The following COL12A1 variants were observed in gnomAD, a reference collection of about 807,000 sequenced individuals.
The protein encoded by COL12A1 is collagen type XII alpha 1 chain.
A neutral mutation model predicts 349.7 loss-of-function variants in COL12A1; 114 were observed. The ratio of observed to expected loss-of-function variants is 0.33; its 90% CI spans 0.28 to 0.38. The LOEUF (loss-of-function observed/expected upper bound fraction) is 0.38, where lower values mean the gene tolerates loss of function less well. Among genes scored for constraint, COL12A1 ranks in the 10% least tolerant of loss-of-function variants. The probability of loss-of-function intolerance (pLI) is 1.00; values close to 1 mark genes in which losing one functional copy is unlikely to be tolerated. For missense variants in COL12A1, 3,284 were observed against 3,756.9 expected (o/e 0.87, Z 3.29); for synonymous variants, 1,369 against 1,329.0 (o/e 1.03, Z -0.66).
chr6:75,105,799 T>A (rs1184841956), intron 53 of COL12A1, among the ~76,000 whole-genome samples: 1 of 152,162 alleles, frequency 6.6e-6, no homozygotes, highest in Non-Finnish European at 1.5e-5. Flanking sequence ...CCTTATTAAT[T>A]CTTTCTCTCC....
chr6:75,188,732 T>C (rs769974880), intron 7 of COL12A1, among the ~76,000 whole-genome samples, 197 bp from the exon 8 acceptor site: 28 of 152,246 alleles, frequency 1.8e-4, no homozygotes, highest in Non-Finnish European at 3.1e-4. Context: ...ATTTGACATA[T>C]AGTGGTCAGC....
At chr6:75,136,302 T>C (rs1440130780) in intron 31 of COL12A1, among the ~76,000 whole-genome samples, 1 of 152,194 alleles carries the variant, frequency 6.6e-6, no homozygotes, top group African/African-American at 2.4e-5. Context: ...TGATATTAAG[T>C]TTATTAATTA....
intron 27 of COL12A1, among the ~76,000 whole-genome samples, chr6:75,140,256 A>G (rs928277727): frequency 6.6e-6 from 1 of 152,214 alleles, no homozygotes; most frequent in African/African-American, 2.4e-5. Context: ...CATGACCCTT[A>G]CAAGGTAAGA....
At chr6:75,087,409 A>C (rs1767553698) in intron 65 of COL12A1, 168 bp downstream of exon 65, 1 of 606,984 alleles carries the variant, frequency 1.6e-6, no homozygotes, top group Admixed American at 3.7e-5. Flanking sequence ...ACAGTGAAAT[A>C]ATGTTGTGTG....
At position 75,117,540 on chromosome 6, in the gene COL12A1, C is replaced by T; in HGVS notation, c.7361G>A (p.Ser2454Asn). The T allele has an allele frequency of 6.2e-7, 1 of 1,613,270 alleles. No individual in the cohort carries two copies. Among genetic ancestry groups the T allele is most frequent in the Non-Finnish European group, 8.5e-7 (1 of 1,179,398 alleles). ...AALVIQQSGFSVFVVGVADVD... is the reference protein window; with the variant it reads ...AALVIQQSGFNVFVVGVADVD... The stretch of plus-strand genomic sequence containing the variant: ...ATCAGCCACACCAACTACAAAGACA[C>T]TGAACCCTGCAAAGTAGCATTTATA... Residue 2454 changes from serine (S) to asparagine (N), a missense_variant, in exon 47 of 66, where the codon AGT (serine) becomes AAT (asparagine). Ser to Asn is a conservative substitution (Grantham distance 46, BLOSUM62 1). Around this residue, in one of 2 missense-constraint regions of COL12A1, gnomAD observed 683 missense variants for 932.1 expected, o/e 0.73. Coordinates refer to ENST00000322507, the MANE Select transcript of COL12A1 (RefSeq NM_004370.6).
At chr6:75,143,057 A>G (rs867568461) in intron 26 of COL12A1, 195 bp downstream of exon 26, 42 of 587,564 alleles carry the variant, frequency 7.1e-5, no homozygotes, top group Middle Eastern at 9.3e-4. Flanking sequence ...ACAGCAAAAC[A>G]TTTCTGTTTT....
Position 75,177,729 on chromosome 6 carries a change from A to G in COL12A1, c.2371T>C (p.Ser791Pro). 6.2e-7 allele frequency: 1 copy of G among 1,614,026 alleles called. No individual in the cohort carries two copies. The highest frequency in any genetic ancestry group is 8.5e-7 in the Non-Finnish European group (1 of 1,179,988). Residue 791 changes from serine to proline, a missense_variant, in exon 12 of 66, where the codon TCT becomes CCT. By Grantham distance (74) the Ser-to-Pro change is moderately conservative. Coordinates refer to ENST00000322507, the MANE Select transcript of COL12A1 (RefSeq NM_004370.6). ...NLIPDTKYEV[S>P]VIPEYFSGPG... ...CCTGAGAAATATTCAGGAATTACAG[A>G]TACTTCATATTTCGTGTCTGGAATC...
chr6:75,115,089 G>A (rs528660897), intron 49 of COL12A1, among the ~76,000 whole-genome samples: 4 of 152,200 alleles, frequency 2.6e-5, no homozygotes, highest in African/African-American at 9.6e-5. Flanking sequence ...GTTTTAGTCT[G>A]AATTTTCCAT....
Position 75,134,711 on chromosome 6 carries a change from T to A in COL12A1, c.5524+15A>T. ...TAGCTATTAAAGAAGCTATAGGAAC[T>A]CAGGTTTCACTTACTGGTCTTGCCT... is the stretch of plus-strand genomic sequence containing the variant. On this transcript the variant is annotated intron_variant, in intron 32 of 65. Transcript: ENST00000322507. 1.3e-6 allele frequency: 2 copies of A among 1,588,032 alleles called. No homozygotes were observed. Among genetic ancestry groups the A allele is most frequent in the Non-Finnish European group, 1.7e-6 (2 of 1,163,398 alleles).
intron 2 of COL12A1, among the ~76,000 whole-genome samples, chr6:75,195,356 C>A (rs937469375): frequency 6.6e-6 from 1 of 152,118 alleles, no homozygotes; most frequent in African/African-American, 2.4e-5. Flanking sequence ...CAAATCACAA[C>A]CTGCTTACAA....
chr6:75,163,300 G>T (rs973265087), intron 14 of COL12A1, among the ~76,000 whole-genome samples: 1 of 152,130 alleles, frequency 6.6e-6, no homozygotes, highest in African/African-American at 2.4e-5. Flanking sequence ...AAGAAAATGT[G>T]ACACATATAC....
In COL12A1 at chr6:75,134,831, T is replaced by C. The variant is rs1766503980; in HGVS notation, c.5419A>G (p.Ser1807Gly). ...GGCTTCAGTTTCTGCAGGACCACAC[T>C]GTTCTGCCGTCCTCCTATTGTGGTC... ...QTTTIGGRQN[S>G]VVLQKLKPDT... The change falls in exon 32 of 66, where the codon AGT becomes GGT. Residue 1807 changes from serine to glycine, a missense_variant. Transcript: ENST00000322507. The C allele has an allele frequency of 1.2e-6, 2 of 1,611,806 alleles. No homozygotes were observed. The highest frequency in any genetic ancestry group is 1.3e-5 in the African/African-American group (1 of 74,876).
At chr6:75,096,906 A>C (rs1768066734) in intron 59 of COL12A1, among the ~76,000 whole-genome samples, 1 of 151,760 alleles carries the variant, frequency 6.6e-6, no homozygotes, top group African/African-American at 2.4e-5. Flanking sequence ...AAAAAAAAAA[A>C]AAAAAAAAAA....
At chr6:75,186,668 G>A (rs240417) in intron 8 of COL12A1, among the ~76,000 whole-genome samples, 131,554 of 152,208 alleles carry the variant, frequency 0.86, 57,357 homozygotes, top group Non-Finnish European at 0.93. Flanking sequence ...AAATGCACAC[G>A]TATATTCACT....
intron 57 of COL12A1, 148 bp from the exon 58 acceptor site, chr6:75,101,801 G>A: frequency 1.0e-6 from 1 of 991,746 alleles, no homozygotes; most frequent in Non-Finnish European, 1.5e-6. Flanking sequence ...CAAGCATACA[G>A]TAGATGCTCA....
chr6:75,181,927 CA>C (rs547248236), intron 10 of COL12A1, among the ~76,000 whole-genome samples: 3,179 of 139,242 alleles, frequency 0.023, 119 homozygotes, highest in African/African-American at 0.078. Flanking sequence ...CCGTCTCTAC[CA>C]AAAAAAAAAA....
Position 75,091,493 on chromosome 6 carries a change from A to G in COL12A1, c.8682T>C (p.Asp2894=). The change falls in exon 61 of 66, where the codon GAT becomes GAC. Residue 2894 remains aspartate (D), a synonymous_variant. Transcript: ENST00000322507. ...GPSGLKGEKG[D]RGDIASQNMM... ...AAGATTTTTTAAAAATACATACCCTATCACCTTTTTCTCCTTTCAACCCAG... is the reference window on the plus strand; with the variant it reads ...AAGATTTTTTAAAAATACATACCCTGTCACCTTTTTCTCCTTTCAACCCAG... 1 of 1,612,840 alleles carries G rather than the reference A, an allele frequency of 6.2e-7. No homozygotes were observed. Among genetic ancestry groups the G allele is most frequent in the Non-Finnish European group, 8.5e-7 (1 of 1,179,748 alleles).
In COL12A1 at chr6:75,097,283, T is replaced by G; in HGVS notation, c.8547A>C (p.Ala2849=). The G allele has an allele frequency of 6.2e-7, 1 of 1,613,982 alleles. No individual in the cohort carries two copies. The highest frequency in any genetic ancestry group is 1.7e-5 in the Admixed American group (1 of 60,016). ...GCCCTGGTGGGCCCCTGGGTCCCAT[T>G]GCACCGTCTTTTCCAGTGAAGCCCT... ...GDRGFTGKDG[A]MGPRGPPGPP... is the part of the protein sequence containing the mutation. The change falls in exon 59 of 66, where the codon GCA becomes GCC. Residue 2849 remains alanine, a synonymous_variant. Coordinates refer to ENST00000322507, the MANE Select transcript of COL12A1 (RefSeq NM_004370.6).
intron 53 of COL12A1, 67 bp downstream of exon 53, chr6:75,106,352 C>G: frequency 7.3e-7 from 1 of 1,368,106 alleles, no homozygotes. Flanking sequence ...CTTCCTCTCC[C>G]AGGCACAAGG....
Sources: gnomAD v4.1 joint callset for allele counts (sites outside exome capture counted in the v4.1 genomes callset) on GRCh38, gnomAD v4.1.1 for gene constraint, gnomAD v4.1.1 regional missense constraint, MANE v1.5 for transcripts, NCBI Gene and HGNC (gene_info 2026-07-23, HGNC 2026-07-21) for gene names.